The following OPRM1 variants were observed in gnomAD, a reference collection of about 807,000 sequenced individuals.
OPRM1 encodes mu-type opioid receptor.
A neutral mutation model predicts 31.8 loss-of-function variants in OPRM1; 27 were observed. The ratio of observed to expected loss-of-function variants is 0.85; its 90% CI spans 0.63 to 1.17. The LOEUF (loss-of-function observed/expected upper bound fraction) is 1.17, where lower values mean the gene tolerates loss of function less well. Ranked by LOEUF, OPRM1 falls within the 50% of genes most tolerant of loss-of-function variation. The probability of loss-of-function intolerance (pLI) is 0.00; values close to 1 mark genes in which losing one functional copy is unlikely to be tolerated. For missense variants in OPRM1, 536 were observed against 511.1 expected, an observed-to-expected ratio of 1.05 and a Z score of -0.47; for synonymous variants, 196 against 189.9, an observed-to-expected ratio of 1.03 and a Z score of -0.26.
At chr6:154,021,691 G>A (rs2128381835) in intron 1 of OPRM1, among the ~76,000 whole-genome samples, 1 of 152,204 alleles carries the variant, frequency 6.6e-6, no homozygotes, top group African/African-American at 2.4e-5. Flanking sequence ...TTATGCCTAA[G>A]TATTTAACTT....
intron 3 of OPRM1, among the ~76,000 whole-genome samples, chr6:154,236,835 C>T (rs536433756): frequency 1.3e-5 from 2 of 152,184 alleles, no homozygotes; most frequent in East Asian, 1.9e-4. Context: ...AAATTGGGTG[C>T]GTTCTCTTTC....
chr6:154,228,360 C>T (rs9479793), intron 3 of OPRM1, among the ~76,000 whole-genome samples: 11,799 of 152,074 alleles, frequency 0.078, 528 homozygotes, highest in African/African-American at 0.12. Context: ...AAGCTTCCCT[C>T]GAAATCCTGA....
At chr6:154,220,653 T>A (rs935991385) in intron 3 of OPRM1, among the ~76,000 whole-genome samples, 1 of 152,028 alleles carries the variant, frequency 6.6e-6, no homozygotes, top group East Asian at 1.9e-4. Context: ...AATAAATAAA[T>A]AAATAAATAA....
intron 3 of OPRM1, among the ~76,000 whole-genome samples, chr6:154,176,837 T>C (rs1399419958): frequency 6.6e-6 from 1 of 151,216 alleles, no homozygotes. Context: ...ACCAAGACAA[T>C]CCTGAGCAAA....
intron 1 of OPRM1, among the ~76,000 whole-genome samples, chr6:154,067,146 AT>A (rs140816156): frequency 0.14 from 20,734 of 149,464 alleles, 1,518 homozygotes; most frequent in Non-Finnish European, 0.17. Flanking sequence ...CACTTTCTCT[AT>A]TTTTTTTTAG....
intron 1 of OPRM1, among the ~76,000 whole-genome samples, chr6:154,085,707 G>A (rs984413120): frequency 3.3e-5 from 5 of 152,022 alleles, no homozygotes; most frequent in South Asian, 2.1e-4. Flanking sequence ...AGTTCTACTC[G>A]GACCCACTCA....
chr6:154,212,495 C>T (rs1017410648), intron 3 of OPRM1, among the ~76,000 whole-genome samples: 2 of 152,240 alleles, frequency 1.3e-5, no homozygotes, highest in Admixed American at 6.5e-5. Flanking sequence ...TTTGCAAGCA[C>T]TGGCCTGTCA....
At chr6:154,136,631 G>A (rs936098362), downstream of OPRM1, among the ~76,000 whole-genome samples, 10 of 152,062 alleles carry the variant, frequency 6.6e-5, no homozygotes, top group East Asian at 1.9e-4. Context: ...CTGCACTGGC[G>A]CAGCATCCCC....
At chr6:154,049,102 T>G (rs965521323) in intron 1 of OPRM1, among the ~76,000 whole-genome samples, 2 of 152,204 alleles carry the variant, frequency 1.3e-5, no homozygotes, top group African/African-American at 4.8e-5. Flanking sequence ...ATTTAATATA[T>G]AGCTGATTCA....
chr6:154,110,409 T>C, intron 3 of OPRM1: 1 of 1,503,966 alleles, frequency 6.6e-7, no homozygotes, highest in Non-Finnish European at 9.1e-7. Context: ...TACCAAGGGC[T>C]AATAATTACA....
At chr6:154,069,678 T>C (rs75449191) in intron 1 of OPRM1, among the ~76,000 whole-genome samples, 2,328 of 152,342 alleles carry the variant, frequency 0.015, 106 homozygotes, top group East Asian at 0.11. Flanking sequence ...ATTTATACTT[T>C]ATCTGGTGAA....
At chr6:154,069,708 T>C (rs1171508834) in intron 1 of OPRM1, among the ~76,000 whole-genome samples, 2 of 152,216 alleles carry the variant, frequency 1.3e-5, no homozygotes, top group African/African-American at 4.8e-5. Flanking sequence ...TCTCATTTTA[T>C]TCTGCTGCAC....
At chr6:154,026,936 TC>T (rs1373751900) in intron 1 of OPRM1, among the ~76,000 whole-genome samples, 1 of 152,002 alleles carries the variant, frequency 6.6e-6, no homozygotes, top group Non-Finnish European at 1.5e-5. Flanking sequence ...TCTTTGTTTC[TC>T]CAGGAATAGT....
intron 3 of OPRM1, among the ~76,000 whole-genome samples, chr6:154,095,003 T>C (rs953662541): frequency 2.6e-5 from 4 of 152,112 alleles, no homozygotes. Flanking sequence ...AAAAAGAAAG[T>C]ACTTCTGGCC....
chr6:154,091,846 C>T (rs2128488028), intron 3 of OPRM1: 1 of 1,001,420 alleles, frequency 1.0e-6, no homozygotes, highest in East Asian at 1.1e-4. Context: ...TGCAATACCC[C>T]TCTTATTTCT....
chr6:154,037,140 T>G (rs1779351693), upstream of OPRM1, among the ~76,000 whole-genome samples: 1 of 151,878 alleles, frequency 6.6e-6, no homozygotes, highest in African/African-American at 2.4e-5. Context: ...AACTATAAAT[T>G]TATAGGAGAT....
intron 3 of OPRM1, among the ~76,000 whole-genome samples, chr6:154,100,953 A>G (rs2128503417): frequency 6.7e-6 from 1 of 149,134 alleles, no homozygotes; most frequent in South Asian, 2.1e-4. Flanking sequence ...ATATATATAC[A>G]CACATATATA....
upstream of OPRM1, among the ~76,000 whole-genome samples, chr6:154,037,729 A>G (rs1779397196): frequency 6.6e-6 from 1 of 152,262 alleles, no homozygotes; most frequent in South Asian, 2.1e-4. Context: ...TATGAGGTGA[A>G]TATTATTAGC....
At chr6:154,079,002 G>C (rs944055629) in intron 1 of OPRM1, among the ~76,000 whole-genome samples, 9 of 152,188 alleles carry the variant, frequency 5.9e-5, no homozygotes, top group African/African-American at 1.7e-4. Flanking sequence ...GAAGAGAGGA[G>C]AGAGGAAAAC....
Sources: gnomAD v4.1 joint callset for allele counts (sites outside exome capture counted in the v4.1 genomes callset) on GRCh38, gnomAD v4.1.1 for gene constraint, MANE v1.5 for transcripts, NCBI Gene and HGNC (gene_info 2026-07-23, HGNC 2026-07-21) for gene names.